The following PLSCR1 variants were observed in gnomAD, a reference collection of about 807,000 sequenced individuals.
PLSCR1 encodes PL scramblase 1.
PLSCR1 carries 17 observed loss-of-function variants against 37.8 expected under a neutral mutation model. That is an observed-to-expected ratio of 0.45 (90% CI 0.31 to 0.68). The LOEUF (loss-of-function observed/expected upper bound fraction) is 0.68, where lower values mean the gene tolerates loss of function less well. Among genes scored for constraint, PLSCR1 ranks in the 30% least tolerant of loss-of-function variants. The pLI is 0.06. For synonymous variants in PLSCR1, 116 were observed against 125.9 expected, an observed-to-expected ratio of 0.92 and a Z score of 0.53; for missense variants, 347 against 380.9, an observed-to-expected ratio of 0.91 and a Z score of 0.74.
intron 7 of PLSCR1, among the ~76,000 whole-genome samples, chr3:146,520,346 A>G (rs1447768437): frequency 1.3e-5 from 2 of 152,178 alleles, no homozygotes; most frequent in Non-Finnish European, 2.9e-5. Flanking sequence ...AATATATGCC[A>G]GCCAAACTTC....
chr3:146,534,612 G>A (rs2044241790), intron 2 of PLSCR1, among the ~76,000 whole-genome samples: 1 of 151,840 alleles, frequency 6.6e-6, no homozygotes, highest in African/African-American at 2.4e-5. Flanking sequence ...GATGACTTCA[G>A]CGGAATCCAG....
chr3:146,517,185 A>AG lies in PLSCR1; in HGVS notation c.739-19dup, dbSNP rs1157002045. Reference sequence around the variant, plus strand: ...GATTTAATCTAAATTGAAAAAAAAAAGTATTAAATACTTTTAGGAAACTTA... The same window carrying AG: ...GATTTAATCTAAATTGAAAAAAAAAAGGTATTAAATACTTTTAGGAAACTTA... On this transcript the variant is annotated intron_variant, in intron 7 of 8. Transcript: ENST00000342435. 1 of 1,411,208 alleles carries AG rather than the reference A, an allele frequency of 7.1e-7. No homozygotes were observed. The highest frequency in any genetic ancestry group is 1.5e-5 in the African/African-American group (1 of 67,840). 87.4% of individuals were successfully genotyped at this position (1,411,208 alleles called of 1,614,324 possible).
intron 4 of PLSCR1, chr3:146,528,008 C>A (rs1191681443): frequency 1.3e-5 from 2 of 152,130 alleles, no homozygotes; most frequent in Non-Finnish European, 2.9e-5. Context: ...AAAGCAGCAT[C>A]ATAAAAATGC....
At chr3:146,534,024 G>A (rs1173684774) in intron 2 of PLSCR1, among the ~76,000 whole-genome samples, 1 of 150,992 alleles carries the variant, frequency 6.6e-6, no homozygotes, top group Non-Finnish European at 1.5e-5. Context: ...TATATGTTAT[G>A]CTTACTCTGG....
chr3:146,542,758 A>G (rs1439964787), intron 1 of PLSCR1, among the ~76,000 whole-genome samples: 1 of 152,186 alleles, frequency 6.6e-6, no homozygotes, highest in East Asian at 1.9e-4. Context: ...ACAGATACAC[A>G]TATATACACA....
intron 4 of PLSCR1, among the ~76,000 whole-genome samples, chr3:146,527,533 G>A (rs2044134523): frequency 6.6e-6 from 1 of 152,054 alleles, no homozygotes; most frequent in African/African-American, 2.4e-5. Context: ...AGAAATATTG[G>A]TAACTTTTTT....
intron 7 of PLSCR1, among the ~76,000 whole-genome samples, chr3:146,520,526 G>A (rs562804026): frequency 2.0e-5 from 3 of 152,090 alleles, no homozygotes; most frequent in African/African-American, 4.8e-5. Context: ...CCCCTTATAA[G>A]AGCCTTTTTA....
chr3:146,541,418 A>G (rs2044337083), intron 1 of PLSCR1, among the ~76,000 whole-genome samples: 1 of 152,206 alleles, frequency 6.6e-6, no homozygotes, highest in African/African-American at 2.4e-5. Flanking sequence ...GACAACCCAG[A>G]GCTCCCTCAC....
At chr3:146,522,369 T>A (rs111322093) in intron 5 of PLSCR1, among the ~76,000 whole-genome samples, 1 of 152,150 alleles carries the variant, frequency 6.6e-6, no homozygotes, top group Non-Finnish European at 1.5e-5. Context: ...TGCCTTGAGA[T>A]GCTGTTAATC....
intron 1 of PLSCR1, among the ~76,000 whole-genome samples, chr3:146,537,786 C>T (rs1391770985): frequency 6.6e-6 from 1 of 152,080 alleles, no homozygotes; most frequent in African/African-American, 2.4e-5. Flanking sequence ...GGGAGGATTG[C>T]TTGAGCCTGG....
At chr3:146,520,782 G>A (rs1005959260) in intron 7 of PLSCR1, among the ~76,000 whole-genome samples, 1 of 152,110 alleles carries the variant, frequency 6.6e-6, no homozygotes, top group African/African-American at 2.4e-5. Flanking sequence ...CACATCTTTA[G>A]TAGATTTTTA....
Position 146,515,181 on chromosome 3 carries a change from A to C in PLSCR1, c.*864T>G. Reference sequence around the variant, plus strand: ...TCGTTTAAAAACAAAAATCAAATATACAAAAAAATCAAGTTTTTATTTCAA... The same window carrying C: ...TCGTTTAAAAACAAAAATCAAATATCCAAAAAAATCAAGTTTTTATTTCAA... On this transcript the variant is annotated 3_prime_UTR_variant, in exon 9 of 9. Transcript: ENST00000342435. 6.6e-6 allele frequency: 1 copy of C among 152,272 alleles called. No homozygotes were observed. The highest frequency in any genetic ancestry group is 3.4e-3 in the Middle Eastern group (1 of 292). The allele number at this position is 152,272 out of a possible 1,614,324, so 9.4% of individuals were successfully genotyped here.
chr3:146,533,391 A>G, intron 3 of PLSCR1, 79 bp downstream of exon 3: 1 of 678,660 alleles, frequency 1.5e-6, no homozygotes, highest in South Asian at 2.4e-5. Context: ...TCTCTCTCTT[A>G]CTCTCTCTCT....
chr3:146,533,850 A>C (rs2044231819), intron 2 of PLSCR1, among the ~76,000 whole-genome samples: 3 of 152,206 alleles, frequency 2.0e-5, no homozygotes, highest in Admixed American at 2.0e-4. Flanking sequence ...TTGATAATAA[A>C]ACAAAGATAG....
intron 1 of PLSCR1, among the ~76,000 whole-genome samples, chr3:146,539,221 G>T (rs1031743853): frequency 1.3e-5 from 2 of 152,194 alleles, no homozygotes; most frequent in Non-Finnish European, 2.9e-5. Flanking sequence ...CATAAGGAGT[G>T]CGCAACCTAG....
intron 7 of PLSCR1, 54 bp from the exon 8 acceptor site, chr3:146,517,221 A>ACTT: frequency 9.6e-7 from 1 of 1,043,208 alleles, no homozygotes; most frequent in Non-Finnish European, 1.4e-6. Context: ...TAGCAAAAGT[A>ACTT]CTTTCAAATT....
In PLSCR1 at chr3:146,521,926, G is replaced by A; in HGVS notation, c.483C>T (p.Thr161=). 1 of 1,613,268 alleles carries A rather than the reference G, an allele frequency of 6.2e-7. No individual in the cohort carries two copies. The highest frequency in any genetic ancestry group is 1.7e-5 in the Admixed American group (1 of 59,998). The change falls in exon 6 of 9, where the codon ACC becomes ACT. Residue 161 remains threonine (T), a synonymous_variant. Transcript: ENST00000342435. The stretch of plus-strand genomic sequence containing the variant: ...GACCCATATTATCAATAATCCTCAA[G>A]GTAAAAGGTCTAGATGGCCCACAGC... ...RNCCGPSRPF[T]LRIIDNMGQE...
intron 1 of PLSCR1, among the ~76,000 whole-genome samples, chr3:146,538,533 A>G (rs889354476): frequency 6.6e-6 from 1 of 152,138 alleles, no homozygotes; most frequent in South Asian, 2.1e-4. Context: ...ATACCTCTCT[A>G]TAACATGCTT....
At position 146,528,604 on chromosome 3, in the gene PLSCR1, TTG is replaced by T; in HGVS notation, c.312+8_312+9del. On this transcript the variant is annotated splice_region_variant and intron_variant, in intron 4 of 8. Coordinates refer to ENST00000342435, the MANE Select transcript of PLSCR1 (RefSeq NM_021105.3). The stretch of plus-strand genomic sequence containing the variant: ...TGTTTTTTATGAGTATTTTGTGTCT[TTG>T]AAATTACCTGACTTAAATATTCTAA... The T allele has an allele frequency of 2.5e-6, 4 of 1,606,658 alleles. No homozygotes were observed. Among genetic ancestry groups the T allele is most frequent in the Non-Finnish European group, 3.4e-6 (4 of 1,173,168 alleles).
Sources: allele counts gnomAD v4.1 joint callset (sites outside exome capture counted in the v4.1 genomes callset), GRCh38; gene constraint gnomAD v4.1.1; transcripts MANE v1.5; gene names NCBI Gene and HGNC (gene_info 2026-07-23, HGNC 2026-07-21).